The following KRABD4 variants were observed in gnomAD, a reference collection of about 807,000 sequenced individuals.
The protein encoded by KRABD4 is KRAB domain-containing protein 4.
the KRABD4 span, chrX:46,463,330 A>G: frequency 1.7e-5 from 20 of 1,192,015 alleles, no homozygotes; most frequent in East Asian, 3.0e-5. Flanking sequence ...CGGGGAAAGG[A>G]GACCAGGTTG....
At chrX:46,473,524 T>C in the KRABD4 span, 1 of 687,771 alleles carries the variant, frequency 1.5e-6, no homozygotes. Flanking sequence ...ATGTGGGAAA[T>C]CTTTTAGTGT....
At chrX:46,466,401 A>G in the KRABD4 span, among the ~76,000 whole-genome samples, 9 of 111,915 alleles carry the variant, frequency 8.0e-5, no homozygotes, top group South Asian at 3.3e-3. Context: ...TATAATAACT[A>G]TAAAAGGCCT....
the KRABD4 span, among the ~76,000 whole-genome samples, chrX:46,450,891 C>A: frequency 1.8e-5 from 2 of 109,132 alleles, no homozygotes; most frequent in African/African-American, 6.7e-5. Context: ...TTAGTAGAGA[C>A]GGGGCTTCAC....
At chrX:46,459,492 C>G in the KRABD4 span, among the ~76,000 whole-genome samples, 18 of 111,088 alleles carry the variant, frequency 1.6e-4, no homozygotes, top group East Asian at 4.5e-3. Flanking sequence ...ACATTTAAAT[C>G]TCTAATCCAT....
chrX:46,459,282 C>G, the KRABD4 span, among the ~76,000 whole-genome samples: 1 of 104,264 alleles, frequency 9.6e-6, no homozygotes. Context: ...CCACGGCACT[C>G]CAGCCTGGGC....
At chrX:46,447,961 T>C in the KRABD4 span, among the ~76,000 whole-genome samples, 1 of 111,637 alleles carries the variant, frequency 9.0e-6, no homozygotes, top group Admixed American at 9.5e-5. Flanking sequence ...GGCACCCATT[T>C]CTTCAGTGAA....
the KRABD4 span, among the ~76,000 whole-genome samples, chrX:46,461,147 T>C: frequency 9.1e-6 from 1 of 109,892 alleles, no homozygotes; most frequent in Non-Finnish European, 1.9e-5. Context: ...GTAAACAAAC[T>C]GCATCTGGAC....
At chrX:46,469,517 A>T in the KRABD4 span, among the ~76,000 whole-genome samples, 3 of 112,037 alleles carry the variant, frequency 2.7e-5, no homozygotes, top group African/African-American at 9.7e-5. Flanking sequence ...AGTTTATAGA[A>T]GTGTAATTGA....
chrX:46,457,745 T>C, the KRABD4 span, among the ~76,000 whole-genome samples: 2 of 108,731 alleles, frequency 1.8e-5, no homozygotes, highest in Non-Finnish European at 3.8e-5. Context: ...TGTTTGTTTG[T>C]TTGTTTGTTT....
At chrX:46,457,157 G>A in the KRABD4 span, 4 of 288,612 alleles carry the variant, frequency 1.4e-5, no homozygotes, top group Non-Finnish European at 2.5e-5. Flanking sequence ...TGATAAAGCG[G>A]AGAATTCCAA....
chrX:46,461,712 T>C, the KRABD4 span, among the ~76,000 whole-genome samples: 1 of 111,620 alleles, frequency 9.0e-6, no homozygotes, highest in African/African-American at 3.3e-5. Context: ...CTTTCCCCTT[T>C]TGCTTCAGTC....
chrX:46,456,533 G>T, the KRABD4 span: 27 of 214,047 alleles, frequency 1.3e-4, no homozygotes, highest in Middle Eastern at 5.7e-4. Flanking sequence ...AGTGAACATT[G>T]TATTTTTTTC....
At chrX:46,462,795 G>A in the KRABD4 span, 11 of 1,209,957 alleles carry the variant, frequency 9.1e-6, no homozygotes, top group Non-Finnish European at 1.2e-5. Context: ...CCCTGGAGGA[G>A]TGGCAGCAAC....
At chrX:46,458,568 T>C in the KRABD4 span, among the ~76,000 whole-genome samples, 1 of 112,295 alleles carries the variant, frequency 8.9e-6, no homozygotes, top group Admixed American at 9.4e-5. Context: ...GTAAGAGTGG[T>C]AAACTTTGAA....
At chrX:46,467,424 G>A in the KRABD4 span, among the ~76,000 whole-genome samples, 1 of 110,203 alleles carries the variant, frequency 9.1e-6, no homozygotes, top group African/African-American at 3.3e-5. Flanking sequence ...GTGTGGTGGT[G>A]CACGCCTGTA....
At chrX:46,471,267 A>C in the KRABD4 span, 1 of 990,817 alleles carries the variant, frequency 1.0e-6, no homozygotes, top group Non-Finnish European at 1.4e-6. Context: ...TTGTGCCAGA[A>C]AATCCTTCTT....
At chrX:46,455,728 T>C in the KRABD4 span, 2 of 381,607 alleles carry the variant, frequency 5.2e-6, no homozygotes, top group Admixed American at 6.8e-5. Context: ...TTCAGTTCTT[T>C]TGACTTCTGT....
the KRABD4 span, chrX:46,450,625 C>T: frequency 2.2e-6 from 1 of 458,861 alleles, no homozygotes; most frequent in Non-Finnish European, 3.8e-6. Flanking sequence ...TCTGATCCTC[C>T]CCGTCACCAG....
the KRABD4 span, chrX:46,463,095 A>T: frequency 1.0e-6 from 1 of 965,200 alleles, no homozygotes; most frequent in Admixed American, 2.5e-5. Context: ...AGGGGCAGAT[A>T]GCTGTGTGCA....
Sources: gnomAD v4.1 joint callset for allele counts (sites outside exome capture counted in the v4.1 genomes callset) on GRCh38, gnomAD v4.1.1 for gene constraint, MANE v1.5 for transcripts, NCBI Gene and HGNC (gene_info 2026-07-23, HGNC 2026-07-21) for gene names.